Variants in PRKCE observed in about 807,000 individuals in gnomAD.
PRKCE encodes the protein protein kinase C epsilon type.
In PRKCE, 16 loss-of-function variants were observed where a neutral mutation model predicts 85.4. The ratio of observed to expected loss-of-function variants is 0.19; its 90% confidence interval spans 0.13 to 0.28. PRKCE has a LOEUF of 0.28. Among genes scored for constraint, PRKCE ranks in the 10% least tolerant of loss-of-function variants. The pLI is 1.00. For synonymous variants in PRKCE, 388 were observed against 371.5 expected, an observed-to-expected ratio of 1.04 and a Z score of -0.51; for missense variants, 573 against 975.2, an observed-to-expected ratio of 0.59 and a Z score of 5.49.
At position 45,719,235 on chromosome 2, in the gene PRKCE, C is replaced by G. The variant is rs1166815719; in HGVS notation, c.348+66787C>G. Among the ~76,000 whole-genome samples, 3 of 152,230 alleles carry G rather than the reference C, an allele frequency of 2.0e-5. No individual in the cohort carries two copies. The South Asian group carries it at 6.2e-4, about 31-fold the overall frequency. On this transcript the variant is annotated intron_variant, in intron 1 of 14. Coordinates refer to ENST00000306156, the MANE Select transcript of PRKCE (RefSeq NM_005400.3). ...TGGCTACTCCCCAGCCCTACCCCAG[C>G]CTCCGGCTTCTTGGAGATGATGTTA... is the stretch of plus-strand genomic sequence containing the variant.
At chr2:45,729,634 A>G (rs1347941471) in intron 1 of PRKCE, among the ~76,000 whole-genome samples, 1 of 152,176 alleles carries the variant, frequency 6.6e-6, no homozygotes, top group Non-Finnish European at 1.5e-5. Flanking sequence ...TCAGGAATAC[A>G]GCTATTTTTG....
intron 10 of PRKCE, among the ~76,000 whole-genome samples, chr2:46,022,331 G>C (rs1001370955): frequency 2.0e-5 from 3 of 152,194 alleles, no homozygotes; most frequent in African/African-American, 7.2e-5. Flanking sequence ...CTAAAGACCT[G>C]TGACAATGCA....
chr2:45,868,379 G>A (rs922770007), intron 2 of PRKCE, among the ~76,000 whole-genome samples: 1 of 147,776 alleles, frequency 6.8e-6, no homozygotes, highest in African/African-American at 2.5e-5. Flanking sequence ...GGTAAGGAAG[G>A]AAGGAAAACT....
chr2:45,926,421 C>T (rs896881079), intron 2 of PRKCE, among the ~76,000 whole-genome samples: 1 of 152,122 alleles, frequency 6.6e-6, no homozygotes, highest in Non-Finnish European at 1.5e-5. Flanking sequence ...AGGTGAGTCC[C>T]CCCCATCCTC....
At chr2:45,914,348 C>T (rs993104940) in intron 2 of PRKCE, among the ~76,000 whole-genome samples, 4 of 152,172 alleles carry the variant, frequency 2.6e-5, no homozygotes, top group African/African-American at 9.7e-5. Context: ...TGAGCAAGCT[C>T]TGTTTGGACA....
chr2:45,927,149 C>G lies in PRKCE; in HGVS notation c.413-49280C>G, dbSNP rs192757850. 1.3e-3 allele frequency among the ~76,000 whole-genome samples: 200 copies of G among 150,452 alleles called. 1 individual carries two copies. The highest frequency in any genetic ancestry group is 4.6e-3 in the African/African-American group (189 of 40,812). On this transcript the variant is annotated intron_variant, in intron 2 of 14. Coordinates refer to ENST00000306156, the MANE Select transcript of PRKCE (RefSeq NM_005400.3). ...GTATATGTGCATGCATGAGTGTGCACGGGACACAGGATGGTAAGAAGTATA... is the reference window on the plus strand; with the variant it reads ...GTATATGTGCATGCATGAGTGTGCAGGGGACACAGGATGGTAAGAAGTATA...
intron 2 of PRKCE, among the ~76,000 whole-genome samples, chr2:45,976,118 G>A (rs1702435195): frequency 6.6e-6 from 1 of 152,188 alleles, no homozygotes; most frequent in Admixed American, 6.5e-5. Context: ...TGACCCCCAA[G>A]CCCTTGAAAC....
At chr2:45,758,413 G>A (rs1386114250) in intron 1 of PRKCE, among the ~76,000 whole-genome samples, 1 of 152,200 alleles carries the variant, frequency 6.6e-6, no homozygotes, top group Non-Finnish European at 1.5e-5. Context: ...CAAGCAATAG[G>A]TACAGCAGTG....
chr2:45,894,783 C>T (rs1405730779), intron 2 of PRKCE, among the ~76,000 whole-genome samples: 7 of 152,150 alleles, frequency 4.6e-5, no homozygotes, highest in African/African-American at 1.4e-4. Context: ...AGTGCAATGA[C>T]GCGATCTTGG....
chr2:45,805,366 A>C (rs1183222981), intron 1 of PRKCE, among the ~76,000 whole-genome samples: 3 of 152,142 alleles, frequency 2.0e-5, no homozygotes, highest in Non-Finnish European at 4.4e-5. Context: ...ATTATAGATG[A>C]GTCCTGCCTT....
chr2:46,005,799 A>G (rs114694715), intron 8 of PRKCE, among the ~76,000 whole-genome samples: 1 of 152,138 alleles, frequency 6.6e-6, no homozygotes, highest in Non-Finnish European at 1.5e-5. Context: ...TTTATACTCT[A>G]CCTCATTCCA....
chr2:46,015,496 C>T (rs549754394), intron 10 of PRKCE, among the ~76,000 whole-genome samples: 3 of 152,076 alleles, frequency 2.0e-5, no homozygotes, highest in Admixed American at 1.3e-4. Flanking sequence ...AGAGAATCTC[C>T]CTTAGCCAAT....
chr2:45,962,787 C>T (rs1396926208), intron 2 of PRKCE, among the ~76,000 whole-genome samples: 1 of 152,088 alleles, frequency 6.6e-6, no homozygotes, highest in East Asian at 1.9e-4. Flanking sequence ...CAGGGAGAGG[C>T]ACTGTGCTGT....
In PRKCE at chr2:46,074,297, CTTGA is replaced by C. The variant is rs3841440; in HGVS notation, c.1438-11907_1438-11904del. 5.5e-4 allele frequency among the ~76,000 whole-genome samples: 83 copies of C among 152,046 alleles called. No homozygotes were observed. In the East Asian group the frequency reaches 0.013, roughly 24 times the overall value. On this transcript the variant is annotated intron_variant, in intron 10 of 14. Transcript: ENST00000306156. ...TATACATGAGATTGAAAAAAGTTGC[CTTGA>C]TTGTTTTTCCCTGAATCGGCTGGTC...
At chr2:45,976,306 A>C in intron 2 of PRKCE, 123 bp from the exon 3 acceptor site, 2 of 1,149,252 alleles carry the variant, frequency 1.7e-6, no homozygotes, top group Non-Finnish European at 2.5e-6. Flanking sequence ...CCACACACAA[A>C]GGCTACCTCT....
intron 14 of PRKCE, among the ~76,000 whole-genome samples, chr2:46,173,274 A>C (rs1381729538): frequency 1.3e-5 from 2 of 152,230 alleles, no homozygotes; most frequent in Non-Finnish European, 2.9e-5. Flanking sequence ...CATTTACACA[A>C]GTTCATGCTG....
intron 1 of PRKCE, among the ~76,000 whole-genome samples, chr2:45,710,342 A>G (rs1009687931): frequency 6.6e-6 from 1 of 152,232 alleles, no homozygotes; most frequent in African/African-American, 2.4e-5. Flanking sequence ...CTGGCTTCAA[A>G]GTCCATACCC....
chr2:45,764,341 A>T, intron 1 of PRKCE, among the ~76,000 whole-genome samples: 1 of 152,262 alleles, frequency 6.6e-6, no homozygotes, highest in East Asian at 1.9e-4. Flanking sequence ...TTAAGAGCTT[A>T]TAAATGAAGG....
At chr2:45,732,590 C>G (rs1484845163) in intron 1 of PRKCE, among the ~76,000 whole-genome samples, 1 of 152,104 alleles carries the variant, frequency 6.6e-6, no homozygotes, top group Non-Finnish European at 1.5e-5. Context: ...TAACAATAAT[C>G]ATTATAATAT....
Sources: gnomAD v4.1 joint callset for allele counts (sites outside exome capture counted in the v4.1 genomes callset) on GRCh38, gnomAD v4.1.1 for gene constraint, MANE v1.5 for transcripts, NCBI Gene and HGNC (gene_info 2026-07-23, HGNC 2026-07-21) for gene names.